The following TNKS variants were observed in gnomAD, a reference collection of about 807,000 sequenced individuals.
TNKS encodes the protein poly [ADP-ribose] polymerase tankyrase-1.
Under a neutral mutation model 135.8 loss-of-function variants are expected in TNKS, and 72 were observed. That is an observed-to-expected ratio of 0.53 (90% confidence interval 0.44 to 0.64). The LOEUF (loss-of-function observed/expected upper bound fraction) is 0.64. Ranked by LOEUF, TNKS falls within the 30% of genes least tolerant of loss-of-function variation. The pLI, the probability that TNKS is intolerant of heterozygous loss-of-function variation, is 0.00. For missense variants in TNKS, 1,769 were observed against 1,674.0 expected (o/e 1.06, Z -0.99); for synonymous variants, 849 against 649.3 (o/e 1.31, Z -4.68).
At position 9,638,505 on chromosome 8, in the gene TNKS, T is replaced by A. The variant is rs148904289; in HGVS notation, c.994+22828T>A. On this transcript the variant is annotated intron_variant, in intron 3 of 26. Transcript: ENST00000310430. ...ATACCTACATGTGTATACATACATT[T>A]TACCTACTTTTTTTCTAGATCCAAG... 4.6e-3 allele frequency among the ~76,000 whole-genome samples: 706 copies of A among 152,338 alleles called. 1 individual carries two copies. The highest frequency in any genetic ancestry group is 6.6e-3 in the Non-Finnish European group (451 of 68,024).
intron 1 of TNKS, among the ~76,000 whole-genome samples, chr8:9,564,825 G>T (rs1464917702): frequency 6.6e-6 from 1 of 152,184 alleles, no homozygotes; most frequent in Admixed American, 6.5e-5. Flanking sequence ...TGAGGGCTAG[G>T]TGCAGCCTCC....
chr8:9,588,989 G>T (rs1563098799), intron 2 of TNKS, among the ~76,000 whole-genome samples: 1 of 152,132 alleles, frequency 6.6e-6, no homozygotes, highest in Non-Finnish European at 1.5e-5. Flanking sequence ...GCACATCATG[G>T]ATATTATTGT....
At chr8:9,772,831 C>CTGTGTGTG (rs71201974) in intron 26 of TNKS, among the ~76,000 whole-genome samples, 23 of 119,122 alleles carry the variant, frequency 1.9e-4, no homozygotes, top group East Asian at 1.8e-3. Flanking sequence ...GTGTGTGTGT[C>CTGTGTGTG]TGTGTGTGTG....
chr8:9,652,878 C>T (rs1585280597), intron 3 of TNKS, among the ~76,000 whole-genome samples: 1 of 152,004 alleles, frequency 6.6e-6, no homozygotes, highest in Admixed American at 6.6e-5. Flanking sequence ...AAACATGAAA[C>T]TCAGAGGAAG....
chr8:9,775,175 C>G (rs73662519), intron 26 of TNKS, among the ~76,000 whole-genome samples: 102 of 152,128 alleles, frequency 6.7e-4, no homozygotes, highest in African/African-American at 2.4e-3. Flanking sequence ...ATACCCAACT[C>G]TAGAATTAGC....
intron 9 of TNKS, 45 bp downstream of exon 9, chr8:9,708,537 C>G: frequency 1.4e-6 from 2 of 1,422,402 alleles, no homozygotes; most frequent in Non-Finnish European, 1.9e-6. Flanking sequence ...ATAATAATAA[C>G]GTAAGCACAA....
intron 5 of TNKS, among the ~76,000 whole-genome samples, chr8:9,683,664 G>A (rs1802873021): frequency 6.6e-6 from 1 of 151,670 alleles, no homozygotes. Context: ...GAGATATGTG[G>A]GGGTTTGAGA....
chr8:9,742,074 G>A (rs562968905), intron 17 of TNKS, among the ~76,000 whole-genome samples: 10 of 152,050 alleles, frequency 6.6e-5, no homozygotes, highest in Non-Finnish European at 1.5e-4. Context: ...CCTTGTAAAG[G>A]GCATTTGATA....
chr8:9,720,314 G>C (rs973086480), intron 11 of TNKS, 60 bp from the exon 12 acceptor site: 1 of 1,374,580 alleles, frequency 7.3e-7, no homozygotes, highest in Non-Finnish European at 9.7e-7. Context: ...TATTTTCTAA[G>C]GTATAAAAGG....
intron 1 of TNKS, chr8:9,557,031 C>CT: frequency 3.9e-6 from 1 of 254,210 alleles, no homozygotes; most frequent in African/African-American, 2.2e-5. Flanking sequence ...TTAATACAAC[C>CT]CAACACATGT....
chr8:9,701,463 A>G (rs150934205), intron 5 of TNKS, among the ~76,000 whole-genome samples: 23 of 152,316 alleles, frequency 1.5e-4, no homozygotes, highest in African/African-American at 5.1e-4. Context: ...TTGCTGACTT[A>G]CTGACCAGTC....
chr8:9,688,126 G>C (rs1700104970), intron 5 of TNKS, among the ~76,000 whole-genome samples: 2 of 152,156 alleles, frequency 1.3e-5, no homozygotes, highest in African/African-American at 2.4e-5. Context: ...TGTTTCTATG[G>C]ATTAAATATT....
intron 3 of TNKS, among the ~76,000 whole-genome samples, chr8:9,650,895 C>G (rs1188341274): frequency 6.6e-6 from 1 of 152,124 alleles, no homozygotes; most frequent in Non-Finnish European, 1.5e-5. Context: ...TTTGCCTAAG[C>G]TAATGTCTAG....
At chr8:9,709,497 T>C (rs928607477) in intron 9 of TNKS, among the ~76,000 whole-genome samples, 9 of 152,194 alleles carry the variant, frequency 5.9e-5, no homozygotes, top group Non-Finnish European at 1.3e-4. Context: ...ACTGCTTCAG[T>C]TCTATCATTT....
At chr8:9,746,387 C>G (rs1036259151) in intron 17 of TNKS, among the ~76,000 whole-genome samples, 1 of 152,162 alleles carries the variant, frequency 6.6e-6, no homozygotes, top group East Asian at 1.9e-4. Flanking sequence ...GAAGCTGAAG[C>G]CTTTTGCTAT....
Position 9,594,263 on chromosome 8 carries a change from T to C in TNKS, c.898+13880T>C, listed in dbSNP as rs369202661. Among the ~76,000 whole-genome samples, 8 of 152,224 alleles carry C rather than the reference T, an allele frequency of 5.3e-5. 1 individual carries two copies. The East Asian group carries it at 1.2e-3, about 22-fold the overall frequency. On this transcript the variant is annotated intron_variant, in intron 2 of 26. Coordinates refer to ENST00000310430, the MANE Select transcript of TNKS (RefSeq NM_003747.3). ...TTTTTCTTAACAGCATTATTAGAAGTGATAGTTGCCCATTAAAGAAAAATG... is the reference window on the plus strand; with the variant it reads ...TTTTTCTTAACAGCATTATTAGAAGCGATAGTTGCCCATTAAAGAAAAATG...
At chr8:9,582,978 A>G (rs889624575) in intron 2 of TNKS, among the ~76,000 whole-genome samples, 6 of 152,068 alleles carry the variant, frequency 3.9e-5, no homozygotes, top group Non-Finnish European at 8.8e-5. Context: ...CATCCTGGCT[A>G]ACACGGTGAA....
intron 2 of TNKS, among the ~76,000 whole-genome samples, chr8:9,585,253 A>G (rs1229578503): frequency 6.6e-6 from 1 of 152,160 alleles, no homozygotes; most frequent in Admixed American, 6.5e-5. Context: ...TACAGAGACA[A>G]ATGTTGAAAC....
intron 1 of TNKS, chr8:9,557,684 G>T (rs1220231759): frequency 6.6e-6 from 1 of 151,930 alleles, no homozygotes; most frequent in Non-Finnish European, 1.5e-5. Context: ...GATAACTTCT[G>T]TTAAGTTTCT....
Sources: gnomAD v4.1 joint callset for allele counts (sites outside exome capture counted in the v4.1 genomes callset) on GRCh38, gnomAD v4.1.1 for gene constraint, MANE v1.5 for transcripts, NCBI Gene and HGNC (gene_info 2026-07-23, HGNC 2026-07-21) for gene names.